Variants in NEK1 observed in about 807,000 individuals in gnomAD.
NEK1 encodes the protein NIMA related kinase 1.
NEK1 carries 137 observed loss-of-function variants against 182.1 expected under a neutral mutation model. That is an observed-to-expected ratio of 0.75 (90% CI 0.65 to 0.87). The LOEUF is 0.87. Among genes scored for constraint, NEK1 ranks in the 40% least tolerant of loss-of-function variants. The pLI is 0.00. For synonymous variants in NEK1, 513 were observed against 492.2 expected (o/e 1.04, Z -0.56); for missense variants, 1,391 against 1,494.4 (o/e 0.93, Z 1.14).
intron 18 of NEK1, among the ~76,000 whole-genome samples, chr4:169,553,414 T>C (rs928934418): frequency 6.6e-6 from 1 of 152,032 alleles, no homozygotes; most frequent in Admixed American, 6.6e-5. Context: ...TCCTAGAAGA[T>C]AACATAGGAG....
At chr4:169,437,556 G>A (rs1455167531) in intron 28 of NEK1, among the ~76,000 whole-genome samples, 2 of 152,190 alleles carry the variant, frequency 1.3e-5, no homozygotes, top group Admixed American at 6.5e-5. Flanking sequence ...AAGTGATACT[G>A]TGCTAGTTCT....
At chr4:169,587,268 T>C (rs570416681) in intron 9 of NEK1, among the ~76,000 whole-genome samples, 4 of 152,100 alleles carry the variant, frequency 2.6e-5, no homozygotes, top group Non-Finnish European at 5.9e-5. Context: ...AGCTGAAATA[T>C]CAAATTCATA....
chr4:169,442,660 G>C (rs1739704121), intron 27 of NEK1, among the ~76,000 whole-genome samples: 1 of 152,060 alleles, frequency 6.6e-6, no homozygotes. Flanking sequence ...AGGTATAGGA[G>C]AACACAGATA....
intron 2 of NEK1, among the ~76,000 whole-genome samples, chr4:169,604,823 T>C (rs1222370528): frequency 6.6e-6 from 1 of 152,306 alleles, no homozygotes; most frequent in African/African-American, 2.4e-5. Context: ...GAAAACAAGA[T>C]TGCCTTTAGC....
chr4:169,493,563 T>C (rs1323839711), intron 23 of NEK1, among the ~76,000 whole-genome samples: 1 of 152,144 alleles, frequency 6.6e-6, no homozygotes, highest in Admixed American at 6.5e-5. Context: ...ATCCAGGACA[T>C]GAAAGATGAC....
Position 169,482,999 on chromosome 4 carries a change from G to A in NEK1, c.2008-3465C>T, listed in dbSNP as rs147791842. Among the ~76,000 whole-genome samples the A allele has an allele frequency of 3.9e-4, 60 of 152,210 alleles. No individual in the cohort carries two copies. The East Asian group carries it at 0.01, about 26-fold the overall frequency. On this transcript the variant is annotated intron_variant, in intron 23 of 35. Coordinates refer to ENST00000507142, the MANE Select transcript of NEK1 (RefSeq NM_001199397.3). ...TGCATTCACAACTTGGATAACTGGC[G>A]CAAGAGGCTTAATTCTGTGCCTATC...
intron 19 of NEK1, among the ~76,000 whole-genome samples, chr4:169,514,219 C>T (rs1580376323): frequency 6.6e-6 from 1 of 152,096 alleles, no homozygotes; most frequent in Admixed American, 6.6e-5. Context: ...ATCTCTTGAC[C>T]TCAGGTGATC....
chr4:169,490,928 G>A (rs1278637671), intron 23 of NEK1, among the ~76,000 whole-genome samples: 2 of 152,026 alleles, frequency 1.3e-5, no homozygotes, highest in Non-Finnish European at 2.9e-5. Context: ...AGGATCACGA[G>A]GTCAGGAGAT....
chr4:169,508,674 A>T, intron 20 of NEK1, 95 bp downstream of exon 20: 1 of 973,208 alleles, frequency 1.0e-6, no homozygotes, highest in Non-Finnish European at 1.5e-6. Context: ...CAAAATCTTC[A>T]AATAATTGTT....
At chr4:169,602,135 T>C in intron 3 of NEK1, 31 bp from the exon 4 acceptor site, 1 of 1,481,140 alleles carries the variant, frequency 6.8e-7, no homozygotes, top group South Asian at 1.1e-5. Flanking sequence ...AAATAGTAAA[T>C]GAAACCATTA....
At chr4:169,426,099 C>A in intron 30 of NEK1, 47 bp downstream of exon 30, 2 of 1,334,414 alleles carry the variant, frequency 1.5e-6, no homozygotes, top group South Asian at 2.5e-5. Context: ...TGTTAATAAT[C>A]ATTAACATCT....
At chr4:169,431,171 G>A (rs1177548923) in intron 29 of NEK1, among the ~76,000 whole-genome samples, 1 of 151,904 alleles carries the variant, frequency 6.6e-6, no homozygotes, top group South Asian at 2.1e-4. Flanking sequence ...AATGCAGATT[G>A]GGAAAATATA....
intron 18 of NEK1, among the ~76,000 whole-genome samples, chr4:169,550,225 C>T (rs532477577): frequency 2.0e-5 from 3 of 148,672 alleles, no homozygotes. Flanking sequence ...CCTACACATG[C>T]TCTCTCTCTT....
At chr4:169,468,373 T>C in intron 26 of NEK1, among the ~76,000 whole-genome samples, 1 of 152,140 alleles carries the variant, frequency 6.6e-6, no homozygotes, top group East Asian at 1.9e-4. Flanking sequence ...GTGATGTTAA[T>C]GTTCTGTATC....
Position 169,443,528 on chromosome 4 carries a change from A to C in NEK1, c.2588-5269T>G, listed in dbSNP as rs72691061. Among the ~76,000 whole-genome samples, 605 of 152,198 alleles carry C rather than the reference A, an allele frequency of 4.0e-3. 5 individuals carry two copies. Among genetic ancestry groups the C allele is most frequent in the South Asian group, 0.03 (143 of 4,826 alleles). Reference sequence around the variant, plus strand: ...AAAAGAATGGAAGTCTATGTGACATAAGAGAAATTGTAAAGTGCCCAAATA... The same window carrying C: ...AAAAGAATGGAAGTCTATGTGACATCAGAGAAATTGTAAAGTGCCCAAATA... On this transcript the variant is annotated intron_variant, in intron 27 of 35. Transcript: ENST00000507142.
intron 2 of NEK1, among the ~76,000 whole-genome samples, chr4:169,603,629 G>A (rs1770847999): frequency 6.6e-6 from 1 of 151,910 alleles, no homozygotes; most frequent in Non-Finnish European, 1.5e-5. Flanking sequence ...GTCTAATGGG[G>A]AAAATGGTGT....
intron 26 of NEK1, among the ~76,000 whole-genome samples, chr4:169,464,593 A>C (rs191709460): frequency 3.9e-4 from 60 of 152,162 alleles, no homozygotes; most frequent in Admixed American, 1.6e-3. Flanking sequence ...TGGATTTCAG[A>C]TTTTGGATTA....
intron 31 of NEK1, among the ~76,000 whole-genome samples, chr4:169,409,478 T>C (rs1444782781): frequency 6.7e-6 from 1 of 148,902 alleles, no homozygotes; most frequent in Admixed American, 6.7e-5. Flanking sequence ...ATTATGGCCA[T>C]TCTTGGCCGG....
chr4:169,580,981 C>A (rs1275395649), intron 10 of NEK1, 79 bp from the exon 11 acceptor site: 3 of 613,730 alleles, frequency 4.9e-6, no homozygotes, highest in Admixed American at 7.4e-5. Context: ...TATAATACAT[C>A]TTCCCCTTTT....
Sources: gnomAD v4.1 joint callset for allele counts (sites outside exome capture counted in the v4.1 genomes callset) on GRCh38, gnomAD v4.1.1 for gene constraint, MANE v1.5 for transcripts, NCBI Gene and HGNC (gene_info 2026-07-23, HGNC 2026-07-21) for gene names.